IMMP2L: variants seen among roughly 807,000 people sequenced by gnomAD.
IMMP2L encodes mitochondrial inner membrane protease subunit 2.
Under a neutral mutation model 19.3 loss-of-function variants are expected in IMMP2L, and 18 were observed. That is an observed-to-expected ratio of 0.93 (90% CI 0.64 to 1.38). The LOEUF is 1.38. Ranked by LOEUF, IMMP2L falls within the 40% of genes most tolerant of loss-of-function variation. IMMP2L has a pLI of 0.00. For missense variants in IMMP2L, 233 were observed against 218.2 expected (o/e 1.07, Z -0.43); for synonymous variants, 76 against 73.0 (o/e 1.04, Z -0.21).
intron 3 of IMMP2L, among the ~76,000 whole-genome samples, chr7:111,466,259 G>A (rs185256129): frequency 6.6e-6 from 1 of 152,018 alleles, no homozygotes; most frequent in Admixed American, 6.5e-5. Flanking sequence ...CAAGTTAATG[G>A]GTGCAGCACA....
chr7:110,867,520 T>A (rs1263467300), intron 5 of IMMP2L, among the ~76,000 whole-genome samples: 1 of 152,042 alleles, frequency 6.6e-6, no homozygotes, highest in Non-Finnish European at 1.5e-5. Flanking sequence ...ACTAAATGTA[T>A]GAACAATAAA....
chr7:110,789,467 G>A (rs754966559), intron 5 of IMMP2L, among the ~76,000 whole-genome samples: 2 of 151,724 alleles, frequency 1.3e-5, no homozygotes, highest in Non-Finnish European at 2.9e-5. Flanking sequence ...AGGATCCTAC[G>A]ACTTCATACC....
At chr7:111,087,213 G>C (rs1248497583) in intron 3 of IMMP2L, among the ~76,000 whole-genome samples, 1 of 152,134 alleles carries the variant, frequency 6.6e-6, no homozygotes, top group Non-Finnish European at 1.5e-5. Flanking sequence ...ACTTTGGGAG[G>C]CTGTGGCGGG....
intron 3 of IMMP2L, among the ~76,000 whole-genome samples, chr7:111,396,248 G>A (rs945875201): frequency 4.6e-5 from 7 of 152,180 alleles, no homozygotes; most frequent in South Asian, 4.2e-4. Flanking sequence ...GCAAAGACTT[G>A]GAACCAACCT....
Position 111,405,856 on chromosome 7 carries a change from C to T in IMMP2L, c.239+81382G>A, listed in dbSNP as rs149762496. 5.6e-3 allele frequency among the ~76,000 whole-genome samples: 857 copies of T among 152,168 alleles called. 8 individuals carry two copies. Among genetic ancestry groups the T allele is most frequent in the Middle Eastern group, 0.014 (4 of 294 alleles). The stretch of plus-strand genomic sequence containing the variant: ...TTTTATAAATAAAGTTTTATTGGAA[C>T]GCAGCCACACCCATTTTCTTAATTA... On this transcript the variant is annotated intron_variant, in intron 3 of 5. Coordinates refer to ENST00000405709, the MANE Select transcript of IMMP2L (RefSeq NM_032549.4).
intron 3 of IMMP2L, among the ~76,000 whole-genome samples, chr7:111,292,506 T>C (rs1388629914): frequency 2.0e-5 from 3 of 152,104 alleles, no homozygotes; most frequent in African/African-American, 7.2e-5. Context: ...TGCCATGATT[T>C]TTTTTTTGAA....
At chr7:111,556,814 G>T (rs1397759155) in intron 1 of IMMP2L, among the ~76,000 whole-genome samples, 2 of 151,686 alleles carry the variant, frequency 1.3e-5, no homozygotes, top group Non-Finnish European at 1.5e-5. Context: ...TCTCCATATG[G>T]TAAGAACACA....
rs187302282 is a variant in IMMP2L, at chr7:110,911,958, G to C, written c.306-25263C>G. Among the ~76,000 whole-genome samples, 222 of 152,182 alleles carry C rather than the reference G, an allele frequency of 1.5e-3. 1 individual carries two copies. The highest frequency in any genetic ancestry group is 5.1e-3 in the African/African-American group (213 of 41,544). ...TTTCTCCTTTTAAAAGGTAGAAGGA[G>C]TTCCTAGAGGAAGAAACTTCCTATA... On this transcript the variant is annotated intron_variant, in intron 4 of 5. Coordinates refer to ENST00000405709, the MANE Select transcript of IMMP2L (RefSeq NM_032549.4).
chr7:111,167,660 A>G (rs749416099), intron 3 of IMMP2L, among the ~76,000 whole-genome samples: 17 of 151,942 alleles, frequency 1.1e-4, no homozygotes, highest in Non-Finnish European at 1.8e-4. Context: ...GGGATATAAT[A>G]TAAGGGAGAA....
At chr7:111,401,725 C>G (rs1322615978) in intron 3 of IMMP2L, among the ~76,000 whole-genome samples, 1 of 152,096 alleles carries the variant, frequency 6.6e-6, no homozygotes, top group African/African-American at 2.4e-5. Flanking sequence ...AGCAATTCAA[C>G]TGGTAAACCA....
intron 2 of IMMP2L, among the ~76,000 whole-genome samples, chr7:111,496,921 G>A (rs1843648911): frequency 6.6e-6 from 1 of 152,014 alleles, no homozygotes; most frequent in Admixed American, 6.6e-5. Context: ...TAGATAGATA[G>A]ATAGACAGAC....
rs1052647554 is a variant in IMMP2L at position 111,394,132 on chromosome 7, T to C, written c.239+93106A>G. Among the ~76,000 whole-genome samples, 8 of 152,152 alleles carry C rather than the reference T, an allele frequency of 5.3e-5. 1 individual carries two copies. The highest frequency in any genetic ancestry group is 1.3e-4 in the Admixed American group (2 of 15,264). On this transcript the variant is annotated intron_variant, in intron 3 of 5. Coordinates refer to ENST00000405709, the MANE Select transcript of IMMP2L (RefSeq NM_032549.4). ...AAGATATATCTTACAGTCGATAATA[T>C]CATAGTTTAACTGACAATATTTTTG...
At chr7:111,497,737 G>C (rs1843727249) in intron 2 of IMMP2L, among the ~76,000 whole-genome samples, 1 of 151,976 alleles carries the variant, frequency 6.6e-6, no homozygotes, top group South Asian at 2.1e-4. Flanking sequence ...TCTTCAGTAA[G>C]TTATCCCATC....
At chr7:110,844,584 G>C (rs992654949) in intron 5 of IMMP2L, among the ~76,000 whole-genome samples, 3 of 151,656 alleles carry the variant, frequency 2.0e-5, no homozygotes, top group Admixed American at 6.6e-5. Flanking sequence ...ATCAATAGGG[G>C]AGCTTTCAGA....
intron 3 of IMMP2L, among the ~76,000 whole-genome samples, chr7:111,017,564 T>C (rs1825840608): frequency 1.3e-5 from 2 of 152,134 alleles, no homozygotes. Flanking sequence ...GATATGGAAA[T>C]TGTCTGACAT....
chr7:110,864,194 A>G (rs1160921351), intron 5 of IMMP2L, among the ~76,000 whole-genome samples: 2 of 152,116 alleles, frequency 1.3e-5, no homozygotes, highest in Non-Finnish European at 2.9e-5. Context: ...AAAATACCAA[A>G]GTTCAGTGAT....
intron 3 of IMMP2L, among the ~76,000 whole-genome samples, chr7:111,164,966 T>C (rs1416814530): frequency 1.3e-5 from 2 of 152,092 alleles, no homozygotes; most frequent in East Asian, 3.9e-4. Flanking sequence ...CATTCAGTGG[T>C]ATCAAGTACA....
At chr7:110,770,339 C>T (rs1453085581) in intron 5 of IMMP2L, among the ~76,000 whole-genome samples, 1 of 152,108 alleles carries the variant, frequency 6.6e-6, no homozygotes. Context: ...AATATAATGG[C>T]ACTCATTAGT....
At chr7:111,093,067 A>C (rs973155690) in intron 3 of IMMP2L, among the ~76,000 whole-genome samples, 62 of 152,352 alleles carry the variant, frequency 4.1e-4, no homozygotes, top group African/African-American at 1.5e-3. Context: ...GTCAGTTTAC[A>C]ACATGTAATA....
Sources: gnomAD v4.1 joint callset for allele counts (sites outside exome capture counted in the v4.1 genomes callset) on GRCh38, gnomAD v4.1.1 for gene constraint, MANE v1.5 for transcripts, NCBI Gene and HGNC (gene_info 2026-07-23, HGNC 2026-07-21) for gene names.